LYPLAL1: variants seen among roughly 807,000 people sequenced by gnomAD.
The protein encoded by LYPLAL1 is lysophospholipase like 1, also known as lysophospholipase-like protein 1.
LYPLAL1 carries 23 observed loss-of-function variants against 19.7 expected under a neutral mutation model. The observed-to-expected ratio is 1.17, with a 90% CI of 0.84 to 1.65. The LOEUF (loss-of-function observed/expected upper bound fraction) is 1.65, where lower values mean the gene tolerates loss of function less well. LYPLAL1 is among the 40% of genes most tolerant of loss of function. The pLI, the probability that LYPLAL1 is intolerant of heterozygous loss-of-function variation, is 0.00. For synonymous variants in LYPLAL1, 119 were observed against 96.3 expected, an observed-to-expected ratio of 1.24 and a Z score of -1.38; for missense variants, 355 against 279.4, an observed-to-expected ratio of 1.27 and a Z score of -1.93.
chr1:219,351,827 A>G, the LYPLAL1 span, among the ~76,000 whole-genome samples: 1 of 152,230 alleles, frequency 6.6e-6, no homozygotes, highest in Non-Finnish European at 1.5e-5. Context: ...GGAATGTGCC[A>G]TTGGCAATGG....
At chr1:219,419,590 C>CAGAGAGAGAGAG in the LYPLAL1 span, among the ~76,000 whole-genome samples, 4 of 61,438 alleles carry the variant, frequency 6.5e-5, no homozygotes, top group African/African-American at 1.9e-4. Flanking sequence ...CACACACACA[C>CAGAGAGAGAGAG]ACACAGAGAG....
intron 1 of LYPLAL1, chr1:219,174,961 A>G: frequency 1.0e-6 from 1 of 985,492 alleles, no homozygotes; most frequent in African/African-American, 1.7e-5. Context: ...TTATTAAGGC[A>G]TTTGGAAGAT....
At chr1:219,263,797 T>C in the LYPLAL1 span, among the ~76,000 whole-genome samples, 1 of 152,200 alleles carries the variant, frequency 6.6e-6, no homozygotes, top group African/African-American at 2.4e-5. Flanking sequence ...TCTCATGACC[T>C]GGATTTTCAG....
At chr1:219,301,983 A>AAG in the LYPLAL1 span, among the ~76,000 whole-genome samples, 9 of 151,216 alleles carry the variant, frequency 6.0e-5, no homozygotes, top group East Asian at 3.9e-4. Flanking sequence ...CAGAATGAAA[A>AAG]AGAGAGAGAG....
At chr1:219,343,890 T>C in the LYPLAL1 span, among the ~76,000 whole-genome samples, 1 of 152,076 alleles carries the variant, frequency 6.6e-6, no homozygotes, top group Non-Finnish European at 1.5e-5. Flanking sequence ...CCACTTATGG[T>C]AGAGAAAAGT....
the LYPLAL1 span, among the ~76,000 whole-genome samples, chr1:219,283,448 G>A: frequency 5.3e-3 from 800 of 152,286 alleles, no homozygotes; most frequent in Admixed American, 8.6e-3. Flanking sequence ...GCAGTTTAGC[G>A]TATTTGCCTC....
chr1:219,384,262 T>C, the LYPLAL1 span, among the ~76,000 whole-genome samples: 1 of 152,204 alleles, frequency 6.6e-6, no homozygotes, highest in Non-Finnish European at 1.5e-5. Context: ...TGGCAAAGCT[T>C]CTAATGGGTA....
downstream of LYPLAL1, among the ~76,000 whole-genome samples, chr1:219,217,175 T>C (rs1173540694): frequency 2.0e-5 from 3 of 152,172 alleles, no homozygotes; most frequent in Admixed American, 6.6e-5. Context: ...AAAATCCTTA[T>C]GGATGCATTT....
At chr1:219,257,941 C>G in the LYPLAL1 span, among the ~76,000 whole-genome samples, 1 of 151,852 alleles carries the variant, frequency 6.6e-6, no homozygotes. Flanking sequence ...AGACCTTGTC[C>G]CAGGAATGCA....
chr1:219,210,662 TAAA>T lies in LYPLAL1; in HGVS notation c.477+22_477+24del, dbSNP rs547484810. ...CTGTTTACCAGGTAAGTTCCAGATT[TAAA>T]AAAAAATGAAAAAAATATGAAATAT... On this transcript the variant is annotated intron_variant, in intron 4 of 4. Coordinates refer to ENST00000366928, the MANE Select transcript of LYPLAL1 (RefSeq NM_138794.5). 8.7e-3 allele frequency: 13,718 copies of T among 1,572,996 alleles called. 78 individuals carry two copies. Among genetic ancestry groups the T allele is most frequent in the Non-Finnish European group, 0.011 (12,304 of 1,160,886 alleles).
chr1:219,355,085 A>G, the LYPLAL1 span, among the ~76,000 whole-genome samples: 2 of 152,222 alleles, frequency 1.3e-5, no homozygotes, highest in African/African-American at 2.4e-5. Context: ...TGTGAGCCAT[A>G]GAGCAGAGCT....
chr1:219,361,306 T>C, the LYPLAL1 span, among the ~76,000 whole-genome samples: 1 of 152,212 alleles, frequency 6.6e-6, no homozygotes, highest in Non-Finnish European at 1.5e-5. Context: ...GTTGATTCTT[T>C]CAGACCTGTT....
At chr1:219,367,490 A>T in the LYPLAL1 span, among the ~76,000 whole-genome samples, 1 of 152,174 alleles carries the variant, frequency 6.6e-6, no homozygotes, top group South Asian at 2.1e-4. Flanking sequence ...AAGAGCATAA[A>T]ATTAACCCCT....
At chr1:219,202,873 G>C (rs1216542350) in intron 3 of LYPLAL1, among the ~76,000 whole-genome samples, 1 of 151,546 alleles carries the variant, frequency 6.6e-6, no homozygotes, top group African/African-American at 2.4e-5. Context: ...TTTATGTAGA[G>C]ATGGAGTCTC....
chr1:219,299,883 A>T, the LYPLAL1 span, among the ~76,000 whole-genome samples: 1 of 152,152 alleles, frequency 6.6e-6, no homozygotes, highest in African/African-American at 2.4e-5. Flanking sequence ...ATGCACACAC[A>T]CATAGGTATG....
chr1:219,296,556 A>C, the LYPLAL1 span, among the ~76,000 whole-genome samples: 1 of 152,178 alleles, frequency 6.6e-6, no homozygotes, highest in Non-Finnish European at 1.5e-5. Flanking sequence ...CAAGCTCATG[A>C]AAGAAAAACA....
At chr1:219,379,636 C>G in the LYPLAL1 span, among the ~76,000 whole-genome samples, 9 of 152,208 alleles carry the variant, frequency 5.9e-5, no homozygotes, top group East Asian at 1.5e-3. Context: ...TTATTTTGCC[C>G]TCTATGCAGT....
the LYPLAL1 span, among the ~76,000 whole-genome samples, chr1:219,405,102 G>T: frequency 1.3e-5 from 2 of 152,176 alleles, no homozygotes; most frequent in Admixed American, 6.5e-5. Context: ...AGATACCTGT[G>T]GGGGAGGAAA....
the LYPLAL1 span, among the ~76,000 whole-genome samples, chr1:219,354,814 A>T: frequency 1.3e-5 from 2 of 152,140 alleles, no homozygotes; most frequent in East Asian, 1.9e-4. Flanking sequence ...TCAAATTTAT[A>T]AAAAAAATTG....
Sources: allele counts gnomAD v4.1 joint callset (sites outside exome capture counted in the v4.1 genomes callset), GRCh38; gene constraint gnomAD v4.1.1; transcripts MANE v1.5; gene names NCBI Gene and HGNC (gene_info 2026-07-23, HGNC 2026-07-21).